NUGGC: variants seen among roughly 807,000 people sequenced by gnomAD.
NUGGC encodes the protein nuclear GTPase, germinal center associated.
In NUGGC, 58 loss-of-function variants were observed where a neutral mutation model predicts 92.6. That is an observed-to-expected ratio of 0.63 (90% CI 0.51 to 0.78). NUGGC has a LOEUF of 0.78. Ranked by LOEUF, NUGGC falls within the 30% of genes least tolerant of loss-of-function variation. The pLI is 0.00. For synonymous variants in NUGGC, 376 were observed against 366.4 expected (o/e 1.03, Z -0.30); for missense variants, 925 against 964.6 (o/e 0.96, Z 0.54).
intron 12 of NUGGC, 34 bp downstream of exon 12, chr8:28,045,493 G>A (rs191447664): frequency 1.3e-6 from 2 of 1,598,538 alleles, no homozygotes; most frequent in Admixed American, 1.7e-5. Flanking sequence ...TGCCCAGGAA[G>A]GGGGAGAATA....
chr8:28,022,160 T>G lies in NUGGC; in HGVS notation c.*1157A>C, dbSNP rs1485234446. The G allele has an allele frequency of 8.0e-6, 1 of 124,270 alleles. No homozygotes were observed. The highest frequency in any genetic ancestry group is 1.8e-5 in the Non-Finnish European group (1 of 56,976). The allele number at this position is 124,270 out of a possible 1,614,324, so 7.7% of individuals were successfully genotyped here. A position where few individuals can be genotyped will look rare whatever the true frequency, so the allele number is the denominator to read the frequency against. ...ATATATATATTTTTTTCTTTTTCTT[T>G]TTTTTTTTTTTTTTTTGAGACATAG... is the stretch of plus-strand genomic sequence containing the variant. On this transcript the variant is annotated 3_prime_UTR_variant, in exon 19 of 19. Coordinates refer to ENST00000413272, the MANE Select transcript of NUGGC (RefSeq NM_001010906.2).
intron 8 of NUGGC, chr8:28,060,145 C>T (rs1284497868): frequency 3.6e-6 from 2 of 553,828 alleles, no homozygotes; most frequent in African/African-American, 1.9e-5. Flanking sequence ...GCAGGAGGTA[C>T]ACCATCTGCA....
In NUGGC at chr8:28,060,809, G is replaced by C. The variant is rs554615711; in HGVS notation, c.922-208C>G. On this transcript the variant is annotated intron_variant, in intron 7 of 18. Transcript: ENST00000413272. Reference sequence around the variant, plus strand: ...ATTCCCTGGCCACAGCCTCTGCCTAGCCCCCATTTGTTCCTCAAGACTGTG... The same window carrying C: ...ATTCCCTGGCCACAGCCTCTGCCTACCCCCCATTTGTTCCTCAAGACTGTG... Among the ~76,000 whole-genome samples the C allele has an allele frequency of 1.7e-3, 258 of 152,202 alleles. 1 individual carries two copies. The highest frequency in any genetic ancestry group is 5.8e-3 in the African/African-American group (241 of 41,518).
chr8:28,048,603 C>G (rs1809904531), intron 10 of NUGGC, among the ~76,000 whole-genome samples: 1 of 152,078 alleles, frequency 6.6e-6, no homozygotes, highest in East Asian at 1.9e-4. Context: ...GTGGTTCACA[C>G]CTGTAATCCT....
intron 10 of NUGGC, among the ~76,000 whole-genome samples, chr8:28,055,114 A>G (rs576002790): frequency 6.6e-6 from 1 of 151,738 alleles, no homozygotes; most frequent in Admixed American, 6.6e-5. Context: ...TTAACCAGGC[A>G]TGGTGGCATG....
intron 18 of NUGGC, among the ~76,000 whole-genome samples, chr8:28,026,497 G>A (rs781297304): frequency 2.6e-5 from 4 of 152,190 alleles, no homozygotes; most frequent in Non-Finnish European, 5.9e-5. Context: ...ACCAGACCAT[G>A]AAATTTTTCT....
At chr8:28,042,566 C>T (rs545188069) in intron 12 of NUGGC, among the ~76,000 whole-genome samples, 1 of 152,326 alleles carries the variant, frequency 6.6e-6, no homozygotes, top group South Asian at 2.1e-4. Context: ...AGAGGTGGGG[C>T]TCTCTGTCCT....
At chr8:28,042,582 C>T (rs1463320809) in intron 12 of NUGGC, among the ~76,000 whole-genome samples, 1 of 152,168 alleles carries the variant, frequency 6.6e-6, no homozygotes, top group African/African-American at 2.4e-5. Flanking sequence ...GTCCTGTGCT[C>T]CCACTGCACT....
intron 10 of NUGGC, among the ~76,000 whole-genome samples, chr8:28,051,368 T>G (rs1376924563): frequency 6.6e-6 from 1 of 152,186 alleles, no homozygotes; most frequent in Non-Finnish European, 1.5e-5. Flanking sequence ...TGAAAAGCTA[T>G]GAGCTCATTA....
intron 9 of NUGGC, among the ~76,000 whole-genome samples, chr8:28,056,271 G>C (rs921480548): frequency 8.6e-5 from 13 of 151,986 alleles, no homozygotes; most frequent in African/African-American, 2.7e-4. Context: ...AAGCTCAAGA[G>C]ATCGAGACCA....
intron 8 of NUGGC, among the ~76,000 whole-genome samples, chr8:28,058,908 G>C (rs1810221109): frequency 6.6e-6 from 1 of 152,008 alleles, no homozygotes; most frequent in South Asian, 2.1e-4. Context: ...GTTTCACCAT[G>C]TTGGCCAGGA....
chr8:28,024,817 C>G (rs1316267835), intron 18 of NUGGC, among the ~76,000 whole-genome samples: 2 of 152,196 alleles, frequency 1.3e-5, no homozygotes, highest in African/African-American at 4.8e-5. Flanking sequence ...CCCCAGGACC[C>G]AGCTTCAGTG....
chr8:28,045,397 A>T, intron 12 of NUGGC, 130 bp downstream of exon 12: 1 of 812,162 alleles, frequency 1.2e-6, no homozygotes, highest in Non-Finnish European at 1.9e-6. Context: ...TTGTCCTTTT[A>T]GACTCACTGA....
intron 17 of NUGGC, among the ~76,000 whole-genome samples, chr8:28,028,158 T>C (rs1809317052): frequency 6.6e-6 from 1 of 152,140 alleles, no homozygotes; most frequent in African/African-American, 2.4e-5. Flanking sequence ...TTGTACATGG[T>C]CAACGTACAC....
At position 28,057,346 on chromosome 8, in the gene NUGGC, T is replaced by TG. The variant is rs1554488192; in HGVS notation, c.1116+911_1116+912insC. On this transcript the variant is annotated intron_variant, in intron 9 of 18. Coordinates refer to ENST00000413272, the MANE Select transcript of NUGGC (RefSeq NM_001010906.2). ...TTTTCTTTCCTTTTTTTTTTTTTTTTTTGTTGTTGTTGTTTGAGATGGAGT... is the reference window on the plus strand; with the variant it reads ...TTTTCTTTCCTTTTTTTTTTTTTTTTGTTGTTGTTGTTGTTTGAGATGGAGT... Among the ~76,000 whole-genome samples, 507 of 150,262 alleles carry TG rather than the reference T, an allele frequency of 3.4e-3. 7 individuals are homozygous for TG. Among genetic ancestry groups the TG allele is most frequent in the Admixed American group, 0.025 (370 of 14,862 alleles).
chr8:28,026,814 T>A, intron 18 of NUGGC, 148 bp downstream of exon 18: 1 of 638,046 alleles, frequency 1.6e-6, no homozygotes, highest in Non-Finnish European at 2.9e-6. Context: ...ATCGTCATCA[T>A]CTCCATTCCT....
chr8:28,033,744 G>A, intron 13 of NUGGC, 47 bp from the exon 14 acceptor site: 2 of 1,555,084 alleles, frequency 1.3e-6, no homozygotes, highest in Non-Finnish European at 1.8e-6. Flanking sequence ...TAACTGGAAG[G>A]TCACTGGATT....
chr8:28,079,626 A>T (rs28742922), intron 1 of NUGGC, among the ~76,000 whole-genome samples: 1 of 152,178 alleles, frequency 6.6e-6, no homozygotes, highest in Non-Finnish European at 1.5e-5. Context: ...ACATAGTAAG[A>T]TTATGGCAAT....
In NUGGC at chr8:28,060,443, G is replaced by A. The variant is rs1310570320; in HGVS notation, c.1080C>T (p.His360=). Residue 360 remains histidine, a synonymous_variant, in exon 8 of 19, where the codon CAC becomes CAT. Transcript: ENST00000413272. ...CACAATACCTTAGGTATTCTGGCAA[G>A]TGGAGTTTGTCCATCTTGGTGACCA... ...ALVVTKMDKL[H]LPEYLRERKA... 4.3e-6 allele frequency: 7 copies of A among 1,613,662 alleles called. No individual in the cohort carries two copies. The highest frequency in any genetic ancestry group is 5.9e-6 in the Non-Finnish European group (7 of 1,179,796).
Sources: allele counts gnomAD v4.1 joint callset (sites outside exome capture counted in the v4.1 genomes callset), GRCh38; gene constraint gnomAD v4.1.1; transcripts MANE v1.5; gene names NCBI Gene and HGNC (gene_info 2026-07-23, HGNC 2026-07-21).